Variants in PPP2R2B observed in about 807,000 individuals in gnomAD.
PPP2R2B encodes the protein serine/threonine-protein phosphatase 2A 55 kDa regulatory subunit B beta isoform.
A neutral mutation model predicts 46.0 loss-of-function variants in PPP2R2B; 5 were observed. That is an observed-to-expected ratio of 0.11 (90% CI 0.06 to 0.23). The LOEUF is 0.23. Among genes scored for constraint, PPP2R2B ranks in the 10% least tolerant of loss-of-function variants. The probability of loss-of-function intolerance (pLI) is 1.00; values close to 1 mark genes in which losing one functional copy is unlikely to be tolerated. For missense variants in PPP2R2B, 367 were observed against 575.0 expected (o/e 0.64, Z 3.70); for synonymous variants, 215 against 206.7 (o/e 1.04, Z -0.34).
At chr5:146,833,514 C>A (rs1759084458) in intron 2 of PPP2R2B, among the ~76,000 whole-genome samples, 1 of 152,132 alleles carries the variant, frequency 6.6e-6, no homozygotes. Context: ...CATTTTTCAC[C>A]TTGACTTTAC....
chr5:146,877,916 C>T, intron 2 of PPP2R2B, 86 bp downstream of exon 2: 2 of 1,478,240 alleles, frequency 1.4e-6, no homozygotes, highest in Non-Finnish European at 1.8e-6. Flanking sequence ...GAGTCTCCGC[C>T]ACTACGCGCC....
Position 147,077,275 on chromosome 5 carries a change from TACACACAC to T in PPP2R2B, c.50+3776_50+3783del, listed in dbSNP as rs370176510. Among the ~76,000 whole-genome samples the T allele has an allele frequency of 7.6e-3, 1,072 of 140,500 alleles. 8 individuals carry two copies. The highest frequency in any genetic ancestry group is 0.06 in the South Asian group (267 of 4,468). The allele number at this position is 140,500 out of a possible 152,430, so 92.2% of individuals were successfully genotyped here. ...CGTTATACATATATGTATGTGTGTA[TACACACAC>T]ACACACACACACACACACACACACA... is the stretch of plus-strand genomic sequence containing the variant. On this transcript the variant is annotated intron_variant, in intron 2 of 10. Coordinates refer to the PPP2R2B transcript ENST00000394413.
rs1167601285 is a variant in PPP2R2B, at chr5:147,035,256, G to A, written c.79+20409C>T. On this transcript the variant is annotated intron_variant, in intron 1 of 8. Transcript: ENST00000336640. ...CAAGGCACATCTTACATGGTAGCAG[G>A]AGAGAAAGAGAGAGAGTGAGGGGAG... The A allele has an allele frequency of 1.3e-5, 5 of 388,160 alleles. No individual in the cohort carries two copies. In the Admixed American group the frequency reaches 1.5e-4, roughly 12 times the overall value. The allele number at this position is 388,160 out of a possible 1,614,324, so 24.0% of individuals were successfully genotyped here. A position where few individuals can be genotyped will look rare whatever the true frequency, so the allele number is the denominator to read the frequency against.
intron 1 of PPP2R2B, among the ~76,000 whole-genome samples, chr5:147,016,844 A>T (rs913960879): frequency 6.6e-6 from 1 of 151,654 alleles, no homozygotes; most frequent in Non-Finnish European, 1.5e-5. Context: ...TTTCATAAGC[A>T]TTTAGGCATG....
At chr5:146,772,352 C>A (rs1163863442) in intron 2 of PPP2R2B, among the ~76,000 whole-genome samples, 4 of 136,772 alleles carry the variant, frequency 2.9e-5, no homozygotes, top group African/African-American at 1.1e-4. Context: ...ATTTTAACAT[C>A]CTAAAATTAT....
At chr5:146,656,881 T>A (rs1180396599) in intron 5 of PPP2R2B, among the ~76,000 whole-genome samples, 1 of 152,092 alleles carries the variant, frequency 6.6e-6, no homozygotes, top group African/African-American at 2.4e-5. Context: ...ATTCCTTCTG[T>A]CTCTGCTCAC....
At chr5:147,074,528 A>G (rs1224771986) in intron 2 of PPP2R2B, among the ~76,000 whole-genome samples, 1 of 152,212 alleles carries the variant, frequency 6.6e-6, no homozygotes, top group Non-Finnish European at 1.5e-5. Context: ...ACATCTTTCT[A>G]TAAAATGAGG....
At chr5:146,892,425 C>A (rs906128118) in intron 1 of PPP2R2B, among the ~76,000 whole-genome samples, 2 of 152,198 alleles carry the variant, frequency 1.3e-5, no homozygotes, top group African/African-American at 4.8e-5. Flanking sequence ...ATAGCTCTTG[C>A]TAAGTGTCCA....
chr5:146,773,053 T>C (rs1754970986), intron 2 of PPP2R2B, among the ~76,000 whole-genome samples: 1 of 152,230 alleles, frequency 6.6e-6, no homozygotes, highest in South Asian at 2.1e-4. Context: ...GTTTTTGTTT[T>C]ATTTTAAAAT....
chr5:146,719,312 G>A (rs1780659964), intron 2 of PPP2R2B, among the ~76,000 whole-genome samples: 1 of 152,200 alleles, frequency 6.6e-6, no homozygotes, highest in African/African-American at 2.4e-5. Flanking sequence ...ACACACATAA[G>A]CACTAAATGT....
intron 2 of PPP2R2B, among the ~76,000 whole-genome samples, chr5:146,764,529 TG>T (rs890575991): frequency 4.6e-5 from 7 of 152,100 alleles, no homozygotes; most frequent in African/African-American, 1.4e-4. Flanking sequence ...ATGGATAAAA[TG>T]TTTTAAGCAG....
At chr5:146,652,993 CTT>C (rs2151097089) in intron 5 of PPP2R2B, among the ~76,000 whole-genome samples, 2 of 152,234 alleles carry the variant, frequency 1.3e-5, no homozygotes, top group East Asian at 3.9e-4. Flanking sequence ...AAAAAAGTGA[CTT>C]TGCCCTGAGA....
At chr5:146,831,412 A>ACTTGAACCC (rs1482624174) in intron 2 of PPP2R2B, among the ~76,000 whole-genome samples, 1 of 137,226 alleles carries the variant, frequency 7.3e-6, no homozygotes, top group African/African-American at 2.8e-5. Flanking sequence ...CAGGAGAATC[A>ACTTGAACCC]CTTGAACCCG....
At chr5:146,698,323 T>A (rs68021510) in intron 3 of PPP2R2B, among the ~76,000 whole-genome samples, 179 bp from the exon 4 acceptor site, 6,422 of 73,420 alleles carry the variant, frequency 0.087, 558 homozygotes, top group East Asian at 0.16. Flanking sequence ...AAAAAATATA[T>A]ATATATATAT....
At chr5:146,927,166 G>A (rs1464384593) in intron 1 of PPP2R2B, among the ~76,000 whole-genome samples, 1 of 152,092 alleles carries the variant, frequency 6.6e-6, no homozygotes, top group East Asian at 1.9e-4. Flanking sequence ...ACACGTCTCA[G>A]GTTGTCATAG....
At chr5:146,690,605 A>T (rs1397393180) in intron 5 of PPP2R2B, among the ~76,000 whole-genome samples, 1 of 152,218 alleles carries the variant, frequency 6.6e-6, no homozygotes, top group African/African-American at 2.4e-5. Flanking sequence ...CTTCTTCCTC[A>T]TAAGTCCACG....
At position 147,063,274 on chromosome 5, in the gene PPP2R2B, G is replaced by C. The variant is rs112998873; in HGVS notation, c.50+17785C>G. 8.5e-5 allele frequency among the ~76,000 whole-genome samples: 13 copies of C among 152,134 alleles called. No homozygotes were observed. The East Asian group carries it at 2.5e-3, about 29-fold the overall frequency. On this transcript the variant is annotated intron_variant, in intron 2 of 10. Transcript: ENST00000394413. Reference sequence around the variant, plus strand: ...TATGAAGGAGAAGAAGAATTTGCACGTGTGAAGATATAAGTGGGAAGAGCC... The same window carrying C: ...TATGAAGGAGAAGAAGAATTTGCACCTGTGAAGATATAAGTGGGAAGAGCC...
chr5:147,026,719 A>C (rs1755544186), intron 1 of PPP2R2B, among the ~76,000 whole-genome samples: 1 of 152,204 alleles, frequency 6.6e-6, no homozygotes, highest in South Asian at 2.1e-4. Context: ...ATCTTTAGCC[A>C]CCAGGGAAAC....
chr5:147,039,933 C>G (rs1241756053), intron 1 of PPP2R2B, among the ~76,000 whole-genome samples: 2 of 152,150 alleles, frequency 1.3e-5, no homozygotes, highest in East Asian at 3.9e-4. Context: ...CCTCTGTAGA[C>G]AAAGGCAAGT....
Sources: gnomAD v4.1 joint callset for allele counts (sites outside exome capture counted in the v4.1 genomes callset) on GRCh38, gnomAD v4.1.1 for gene constraint, MANE v1.5 for transcripts, NCBI Gene and HGNC (gene_info 2026-07-23, HGNC 2026-07-21) for gene names.